The following COL11A1 variants were observed in gnomAD, a reference collection of about 807,000 sequenced individuals.
The protein encoded by COL11A1 is collagen alpha-1(XI) chain.
In COL11A1, 74 loss-of-function variants were observed where a neutral mutation model predicts 265.2. That is an observed-to-expected ratio of 0.28 (90% CI 0.23 to 0.34). The LOEUF is 0.34. COL11A1 is among the 10% of genes least tolerant of loss of function. The pLI is 1.00. For synonymous variants in COL11A1, 816 were observed against 727.6 expected (o/e 1.12, Z -1.96); for missense variants, 2,165 against 2,263.6 (o/e 0.96, Z 0.88).
chr1:102,898,725 G>A lies in COL11A1; in HGVS notation c.4189C>T (p.Pro1397Ser). The part of the protein sequence containing the change: ...GPPGKTGPVG[P>S]QGPAGKPGPE... ...CCAGGCTTTCCTGCAGGTCCCTGAG[G>A]ACCGACTGGGCCGGTTTTTCCAGGA... Residue 1397 changes from proline (P) to serine (S), a missense_variant, in exon 56 of 67, where the codon CCT becomes TCT. By Grantham distance (74) the Pro-to-Ser change is moderately conservative (BLOSUM62 -1). Coordinates refer to ENST00000370096, the MANE Select transcript of COL11A1 (RefSeq NM_001854.4). The A allele has an allele frequency of 6.2e-7, 1 of 1,613,046 alleles. No homozygotes were observed.
chr1:103,047,599 T>A (rs1276645406), intron 4 of COL11A1, among the ~76,000 whole-genome samples: 1 of 152,228 alleles, frequency 6.6e-6, no homozygotes, highest in Admixed American at 6.5e-5. Context: ...CTTTATTTCC[T>A]TCTCCTGCCT....
intron 7 of COL11A1, among the ~76,000 whole-genome samples, chr1:103,024,357 T>A (rs1251876521): frequency 1.3e-5 from 2 of 152,194 alleles, no homozygotes; most frequent in Non-Finnish European, 2.9e-5. Flanking sequence ...ATCTTGCCAA[T>A]TTGTAAATTT....
chr1:102,913,806 G>T, intron 52 of COL11A1, 116 bp from the exon 53 acceptor site: 1 of 928,580 alleles, frequency 1.1e-6, no homozygotes, highest in Non-Finnish European at 1.8e-6. Flanking sequence ...AGATGGACAA[G>T]TAAAATCATT....
At chr1:103,065,184 T>TCGC in intron 4 of COL11A1, among the ~76,000 whole-genome samples, 1 of 18,436 alleles carries the variant, frequency 5.4e-5, no homozygotes, top group Non-Finnish European at 2.0e-4. Context: ...CTGCTCAACT[T>TCGC]TGGAACCTAC....
intron 3 of COL11A1, among the ~76,000 whole-genome samples, chr1:103,077,076 A>C (rs544439448): frequency 6.6e-6 from 1 of 152,102 alleles, no homozygotes; most frequent in South Asian, 2.1e-4. Flanking sequence ...TATTGAAGGA[A>C]TATACAAATG....
intron 26 of COL11A1, among the ~76,000 whole-genome samples, chr1:102,996,394 C>A (rs1332494338): frequency 6.6e-6 from 1 of 151,738 alleles, no homozygotes; most frequent in Non-Finnish European, 1.5e-5. Flanking sequence ...CTATAAAAGA[C>A]AGTTATTGAA....
At chr1:103,102,727 T>C (rs1674380857) in intron 1 of COL11A1, among the ~76,000 whole-genome samples, 1 of 152,076 alleles carries the variant, frequency 6.6e-6, no homozygotes, top group Admixed American at 6.6e-5. Flanking sequence ...CAGCATTTTT[T>C]AAACTCCATA....
chr1:102,894,564 T>C (rs1652167168), intron 57 of COL11A1, among the ~76,000 whole-genome samples: 1 of 152,028 alleles, frequency 6.6e-6, no homozygotes, highest in Admixed American at 6.6e-5. Context: ...TTCAGTCTTA[T>C]TCCCATTTAA....
chr1:102,899,784 G>T (rs1652953152), intron 54 of COL11A1, among the ~76,000 whole-genome samples: 1 of 152,112 alleles, frequency 6.6e-6, no homozygotes, highest in Non-Finnish European at 1.5e-5. Flanking sequence ...TGGTTGCAGA[G>T]AGTAGTCATG....
chr1:102,901,717 A>G (rs1653228405), intron 54 of COL11A1, among the ~76,000 whole-genome samples: 1 of 152,210 alleles, frequency 6.6e-6, no homozygotes. Flanking sequence ...ACCAGTAGTT[A>G]TTGTTATAAC....
At chr1:102,915,225 C>T (rs1318501110) in intron 50 of COL11A1, among the ~76,000 whole-genome samples, 1 of 152,138 alleles carries the variant, frequency 6.6e-6, no homozygotes, top group Non-Finnish European at 1.5e-5. Context: ...CCAAAAGTGT[C>T]TCCAGATATT....
At chr1:103,019,597 T>A (rs936217639) in intron 9 of COL11A1, among the ~76,000 whole-genome samples, 2 of 147,164 alleles carry the variant, frequency 1.4e-5, no homozygotes, top group African/African-American at 4.9e-5. Flanking sequence ...TCCTTTTTTT[T>A]ATTATTATAC....
intron 41 of COL11A1, among the ~76,000 whole-genome samples, chr1:102,958,567 G>A (rs186931178): frequency 3.9e-5 from 6 of 152,078 alleles, no homozygotes; most frequent in Non-Finnish European, 7.4e-5. Context: ...ATCATGCACC[G>A]CTTCACTAGA....
intron 4 of COL11A1, among the ~76,000 whole-genome samples, chr1:103,042,990 A>G (rs1032185283): frequency 1.1e-4 from 14 of 128,892 alleles, no homozygotes; most frequent in Non-Finnish European, 2.3e-4. Context: ...TATATATGAT[A>G]TATATTAAAT....
intron 4 of COL11A1, among the ~76,000 whole-genome samples, chr1:103,043,527 A>G (rs1053370468): frequency 3.3e-5 from 5 of 152,194 alleles, no homozygotes; most frequent in Admixed American, 3.3e-4. Context: ...TGAGTACTCA[A>G]TAAATGATCA....
At chr1:102,900,746 A>G (rs937170118) in intron 54 of COL11A1, among the ~76,000 whole-genome samples, 5 of 152,150 alleles carry the variant, frequency 3.3e-5, no homozygotes, top group Non-Finnish European at 4.4e-5. Flanking sequence ...TACAGCAACT[A>G]AGTTGTGATT....
intron 4 of COL11A1, among the ~76,000 whole-genome samples, chr1:103,066,759 TA>T (rs1277071105): frequency 2.0e-5 from 3 of 151,698 alleles, no homozygotes; most frequent in African/African-American, 7.3e-5. Context: ...ATAGAGGGGA[TA>T]AAAAAAGGCC....
chr1:102,980,017 A>G (rs1299840899), intron 31 of COL11A1, among the ~76,000 whole-genome samples: 5 of 152,096 alleles, frequency 3.3e-5, no homozygotes, highest in Non-Finnish European at 7.4e-5. Flanking sequence ...CAAGCATTAA[A>G]ACTCTGTTTT....
At chr1:103,005,783 A>G in intron 18 of COL11A1, 55 bp downstream of exon 18, 10 of 1,596,820 alleles carry the variant, frequency 6.3e-6, no homozygotes, top group Non-Finnish European at 7.7e-6. Context: ...AATTGTTATC[A>G]ATTCTAAAAT....
Sources: gnomAD v4.1 joint callset for allele counts (sites outside exome capture counted in the v4.1 genomes callset) on GRCh38, gnomAD v4.1.1 for gene constraint, MANE v1.5 for transcripts, NCBI Gene and HGNC (gene_info 2026-07-23, HGNC 2026-07-21) for gene names.